Variants in ACYP2 observed in about 807,000 individuals in gnomAD.
ACYP2 encodes the protein acylphosphatase 2, also known as acylphosphatase-2.
In ACYP2, 12 loss-of-function variants were observed where a neutral mutation model predicts 11.2. The observed-to-expected ratio is 1.08, with a 90% confidence interval of 0.69 to 1.74. The LOEUF is 1.74. Ranked by LOEUF, ACYP2 falls within the 40% of genes most tolerant of loss-of-function variation. The pLI, the probability that ACYP2 is intolerant of heterozygous loss-of-function variation, is 0.00. For synonymous variants in ACYP2, 43 were observed against 32.2 expected (o/e 1.33, Z -1.13); for missense variants, 134 against 101.9 (o/e 1.31, Z -1.35).
At chr2:54,277,550 C>T (rs1036755422) in intron 6 of ACYP2, among the ~76,000 whole-genome samples, 3 of 151,960 alleles carry the variant, frequency 2.0e-5, no homozygotes, top group South Asian at 2.1e-4. Flanking sequence ...TGGTGGCATG[C>T]GCCTGTAATC....
intron 2 of ACYP2, among the ~76,000 whole-genome samples, chr2:54,007,518 C>T (rs1263452636): frequency 6.6e-6 from 1 of 152,090 alleles, no homozygotes; most frequent in African/African-American, 2.4e-5. Flanking sequence ...CTCCCAAAGT[C>T]CTGGGATTAC....
At chr2:54,285,389 TTC>T (rs1317883966) in intron 6 of ACYP2, among the ~76,000 whole-genome samples, 1 of 152,214 alleles carries the variant, frequency 6.6e-6, no homozygotes, top group East Asian at 1.9e-4. Flanking sequence ...ACCACTTCTC[TTC>T]TGTTTCCATT....
At chr2:54,197,049 T>G (rs1272033843) in intron 6 of ACYP2, among the ~76,000 whole-genome samples, 1 of 152,202 alleles carries the variant, frequency 6.6e-6, no homozygotes, top group Non-Finnish European at 1.5e-5. Flanking sequence ...GATTAGGTAG[T>G]ATTATAACCC....
intron 6 of ACYP2, among the ~76,000 whole-genome samples, chr2:54,258,967 C>T (rs576028631): frequency 6.6e-6 from 1 of 152,278 alleles, no homozygotes; most frequent in Non-Finnish European, 1.5e-5. Context: ...ATTATAGCAA[C>T]CCACTCTCTC....
At chr2:54,268,376 G>A (rs1326550300) in intron 6 of ACYP2, among the ~76,000 whole-genome samples, 1 of 152,114 alleles carries the variant, frequency 6.6e-6, no homozygotes, top group African/African-American at 2.4e-5. Flanking sequence ...TGGTGATTAA[G>A]GAAACCTGGT....
chr2:54,230,873 C>A (rs1344649766), intron 6 of ACYP2, among the ~76,000 whole-genome samples: 3 of 150,536 alleles, frequency 2.0e-5, no homozygotes, highest in African/African-American at 4.9e-5. Context: ...TCTTGTCCCC[C>A]AGGCTGGAGT....
chr2:54,021,695 A>G (rs953747455), intron 2 of ACYP2, among the ~76,000 whole-genome samples: 1 of 152,232 alleles, frequency 6.6e-6, no homozygotes, highest in Non-Finnish European at 1.5e-5. Context: ...TTTCTTTTAA[A>G]ATTGATCCTG....
At chr2:54,156,707 C>A (rs114549402) in intron 6 of ACYP2, among the ~76,000 whole-genome samples, 2,956 of 152,186 alleles carry the variant, frequency 0.019, 90 homozygotes, top group African/African-American at 0.067. Flanking sequence ...GCTCTGTCAT[C>A]CAGGCTGTAG....
intron 6 of ACYP2, among the ~76,000 whole-genome samples, chr2:54,274,436 T>A (rs1688453770): frequency 1.3e-5 from 2 of 151,072 alleles, no homozygotes; most frequent in Admixed American, 1.3e-4. Context: ...AGCCCAGAGG[T>A]TTAAGACCAG....
chr2:54,145,921 C>T (rs1398466686), intron 6 of ACYP2, among the ~76,000 whole-genome samples: 1 of 152,216 alleles, frequency 6.6e-6, no homozygotes, highest in Non-Finnish European at 1.5e-5. Context: ...TGCTACACAA[C>T]TGTCACTCTG....
chr2:54,285,560 A>G (rs564519583), intron 6 of ACYP2, among the ~76,000 whole-genome samples: 3 of 152,248 alleles, frequency 2.0e-5, no homozygotes, highest in South Asian at 2.1e-4. Context: ...AGAACACTCA[A>G]TTTCCACCCT....
chr2:54,292,778 T>A (rs1312448437), intron 6 of ACYP2, among the ~76,000 whole-genome samples: 2 of 152,136 alleles, frequency 1.3e-5, no homozygotes, highest in Admixed American at 1.3e-4. Flanking sequence ...TTAATTAATG[T>A]ATTAAATAAA....
intron 6 of ACYP2, among the ~76,000 whole-genome samples, chr2:54,243,614 C>G (rs968570880): frequency 1.3e-5 from 2 of 152,118 alleles, no homozygotes; most frequent in African/African-American, 4.8e-5. Context: ...CCTGCCTCAG[C>G]CTCCTGAGTA....
At chr2:54,075,494 T>G (rs1677282090) in intron 4 of ACYP2, among the ~76,000 whole-genome samples, 1 of 121,782 alleles carries the variant, frequency 8.2e-6, no homozygotes, top group African/African-American at 3.4e-5. Flanking sequence ...TGAGATTCTG[T>G]CTCAAAATTA....
intron 5 of ACYP2, 139 bp from the exon 3 acceptor site, chr2:54,138,500 T>C: frequency 3.4e-6 from 2 of 585,552 alleles, no homozygotes; most frequent in Admixed American, 3.5e-5. Flanking sequence ...GAGGTTACTG[T>C]AGGTCATCTA....
rs990696254 is a variant in ACYP2, at chr2:54,273,230, T to C, written c.405-31458T>C. On this transcript the variant is annotated intron_variant, in intron 6 of 6. Coordinates refer to ENST00000607452, the MANE Select transcript of ACYP2 (RefSeq NM_001320586.2). Reference sequence around the variant, plus strand: ...ACATGCATTAACATTTCTGTTTGGGTATGCAATGGGAAACTAAGTCTTATG... The same window carrying C: ...ACATGCATTAACATTTCTGTTTGGGCATGCAATGGGAAACTAAGTCTTATG... Among the ~76,000 whole-genome samples, 11 of 152,224 alleles carry C rather than the reference T, an allele frequency of 7.2e-5. No individual in the cohort carries two copies. The South Asian group carries it at 8.3e-4, about 11-fold the overall frequency.
intron 6 of ACYP2, among the ~76,000 whole-genome samples, chr2:54,298,362 C>G (rs919023167): frequency 2.6e-5 from 4 of 152,002 alleles, no homozygotes; most frequent in African/African-American, 7.3e-5. Flanking sequence ...TAAAGCCATA[C>G]TTTTATATGA....
intron 2 of ACYP2, among the ~76,000 whole-genome samples, chr2:53,993,651 C>A (rs550854650): frequency 4.7e-5 from 7 of 150,426 alleles, no homozygotes; most frequent in Non-Finnish European, 8.9e-5. Flanking sequence ...AAGCCAAGAT[C>A]ATGCCACTGC....
intron 6 of ACYP2, chr2:54,256,269 TCTCGCGACACCCACCCCTCAGTCTCGCGA>T (rs1687528870): frequency 1.7e-6 from 2 of 1,149,144 alleles, no homozygotes; most frequent in Admixed American, 2.5e-5. Flanking sequence ...CACTCTTCAG[TCTCGCGACACCCACCCCTCAGTCTCGCGA>T]CACTCACTCC....
Sources: gnomAD v4.1 joint callset for allele counts (sites outside exome capture counted in the v4.1 genomes callset) on GRCh38, gnomAD v4.1.1 for gene constraint, MANE v1.5 for transcripts, NCBI Gene and HGNC (gene_info 2026-07-23, HGNC 2026-07-21) for gene names.